The following SLC22A23 variants were observed in gnomAD, a reference collection of about 807,000 sequenced individuals.
SLC22A23 encodes ion transporter protein.
In SLC22A23, 26 loss-of-function variants were observed where a neutral mutation model predicts 61.0. The ratio of observed to expected loss-of-function variants is 0.43; its 90% CI spans 0.31 to 0.59. The LOEUF is 0.59. Ranked by LOEUF, SLC22A23 falls within the 20% of genes least tolerant of loss-of-function variation. The pLI is 0.11. For synonymous variants in SLC22A23, 430 were observed against 413.9 expected (o/e 1.04, Z -0.47); for missense variants, 796 against 934.7 (o/e 0.85, Z 1.94).
At chr6:3,341,092 C>A (rs79667344) in intron 3 of SLC22A23, among the ~76,000 whole-genome samples, 2 of 152,144 alleles carry the variant, frequency 1.3e-5, no homozygotes, top group Non-Finnish European at 2.9e-5. Context: ...GACACACATT[C>A]GGAACATACA....
At chr6:3,351,505 G>A (rs953998132) in intron 3 of SLC22A23, among the ~76,000 whole-genome samples, 18 of 152,308 alleles carry the variant, frequency 1.2e-4, no homozygotes, top group Admixed American at 2.0e-4. Context: ...GCCAGGCAGC[G>A]GGGAACGTTC....
At chr6:3,356,216 G>A (rs1441701812) in intron 3 of SLC22A23, among the ~76,000 whole-genome samples, 24 of 150,224 alleles carry the variant, frequency 1.6e-4, no homozygotes, top group African/African-American at 5.1e-4. Context: ...ATCGAAGCAC[G>A]CGTGCTCTCT....
chr6:3,279,269 T>C (rs904527467), intron 9 of SLC22A23, among the ~76,000 whole-genome samples: 2 of 151,808 alleles, frequency 1.3e-5, no homozygotes, highest in Admixed American at 6.6e-5. Flanking sequence ...TCCCAGCAAT[T>C]TGGGAGGCCG....
intron 7 of SLC22A23, among the ~76,000 whole-genome samples, chr6:3,285,717 A>C (rs1046508672): frequency 6.6e-6 from 1 of 152,242 alleles, no homozygotes; most frequent in Non-Finnish European, 1.5e-5. Context: ...CAAGGTATAG[A>C]TTGCATAAGA....
intron 1 of SLC22A23, among the ~76,000 whole-genome samples, chr6:3,442,761 T>C (rs1771677757): frequency 6.6e-6 from 1 of 152,112 alleles, no homozygotes; most frequent in African/African-American, 2.4e-5. Context: ...AAAGCACGAC[T>C]GTTAGCTAGT....
At chr6:3,389,345 C>A (rs558413648) in intron 3 of SLC22A23, among the ~76,000 whole-genome samples, 2 of 149,434 alleles carry the variant, frequency 1.3e-5, no homozygotes, top group South Asian at 2.1e-4. Context: ...AAGCACGATG[C>A]GAATACGCTT....
chr6:3,425,129 T>A (rs1336857453), intron 1 of SLC22A23, among the ~76,000 whole-genome samples: 1 of 152,074 alleles, frequency 6.6e-6, no homozygotes, highest in Non-Finnish European at 1.5e-5. Context: ...ACATAATTAT[T>A]ATACCAAATT....
intron 8 of SLC22A23, 87 bp from the exon 9 acceptor site, chr6:3,284,062 C>A: frequency 7.3e-7 from 1 of 1,372,906 alleles, no homozygotes; most frequent in East Asian, 2.4e-5. Context: ...CAGCACAGCT[C>A]CTTCCCAGTG....
intron 3 of SLC22A23, among the ~76,000 whole-genome samples, chr6:3,344,134 T>C (rs1283451695): frequency 2.0e-5 from 3 of 152,188 alleles, no homozygotes; most frequent in Non-Finnish European, 1.5e-5. Flanking sequence ...TAATTAAAAT[T>C]AGGTACAAGT....
At chr6:3,284,884 C>T in intron 8 of SLC22A23, 195 bp downstream of exon 8, 1 of 1,535,268 alleles carries the variant, frequency 6.5e-7, no homozygotes, top group Non-Finnish European at 8.7e-7. Context: ...GCACCAGTCG[C>T]TCTTTCTAGA....
chr6:3,448,730 G>A (rs557842838), intron 1 of SLC22A23, among the ~76,000 whole-genome samples: 86 of 151,982 alleles, frequency 5.7e-4, no homozygotes, highest in African/African-American at 1.1e-3. Context: ...TCCTGACCTC[G>A]TGATCCGCCC....
At chr6:3,300,672 GA>G (rs1163761235) in intron 4 of SLC22A23, among the ~76,000 whole-genome samples, 1 of 152,200 alleles carries the variant, frequency 6.6e-6, no homozygotes, top group Non-Finnish European at 1.5e-5. Context: ...GTGAGAAGCA[GA>G]AAATTTTTAT....
At position 3,270,003 on chromosome 6, in the gene SLC22A23, C is replaced by G. The variant is rs558749820; in HGVS notation, c.*3052G>C. 1 of 152,712 alleles carries G rather than the reference C, an allele frequency of 6.5e-6. No homozygotes were observed. Among genetic ancestry groups the G allele is most frequent in the Non-Finnish European group, 1.5e-5 (1 of 68,050 alleles). The allele number at this position is 152,712 out of a possible 1,614,324, so 9.5% of individuals were successfully genotyped here. A position where few individuals can be genotyped will look rare whatever the true frequency, so the allele number is the denominator to read the frequency against. ...ACTCTCAGTAAACAAAAACATGTAA[C>G]CTTTTTCCTGTTTCTCTTGGGTGGT... is the stretch of plus-strand genomic sequence containing the variant. On this transcript the variant is annotated 3_prime_UTR_variant, in exon 10 of 10. Transcript: ENST00000406686.
chr6:3,422,078 T>G (rs1309343496), intron 1 of SLC22A23, among the ~76,000 whole-genome samples: 1 of 152,208 alleles, frequency 6.6e-6, no homozygotes, highest in African/African-American at 2.4e-5. Context: ...GTTTTAAAGC[T>G]GAGCAGTGTC....
chr6:3,456,257 C>T lies in SLC22A23; in HGVS notation c.303G>A (p.Leu101=). The change falls in exon 1 of 10, where the codon CTG becomes CTA. Residue 101 remains leucine, a synonymous_variant. Coordinates refer to ENST00000406686, the MANE Select transcript of SLC22A23 (RefSeq NM_015482.2). This position sits in a 1 kb window ranked among gnomAD's most constrained non-coding sequence, Gnocchi z 7.1. ...TGAACAGCGCCGGGATCCAGGTGAG[C>T]AGCACGAGGGTCTTCTGATAGCCCC... The part of the protein sequence containing the change: ...LGGGYQKTLV[L]LTWIPALFIG... 6.4e-7 allele frequency: 1 copy of T among 1,551,400 alleles called. No homozygotes were observed. The highest frequency in any genetic ancestry group is 8.7e-7 in the Non-Finnish European group (1 of 1,146,826).
In SLC22A23 at chr6:3,387,713, G is replaced by C. The variant is rs748730638; in HGVS notation, c.913+22475C>G. On this transcript the variant is annotated intron_variant, in intron 3 of 9. Coordinates refer to ENST00000406686, the MANE Select transcript of SLC22A23 (RefSeq NM_015482.2). The surrounding 1 kb of genome is among the most constrained non-coding windows in gnomAD (Gnocchi z 5.0). The stretch of plus-strand genomic sequence containing the variant: ...CTGTAAGTCTAAAATTATTTTAACT[G>C]TACTGCTTTTGCCACTCCTCTACTT... Among the ~76,000 whole-genome samples, 2 of 152,202 alleles carry C rather than the reference G, an allele frequency of 1.3e-5. No homozygotes were observed. The highest frequency in any genetic ancestry group is 2.9e-5 in the Non-Finnish European group (2 of 68,040).
intron 5 of SLC22A23, among the ~76,000 whole-genome samples, chr6:3,296,259 C>T (rs760839703): frequency 3.6e-4 from 55 of 152,316 alleles, no homozygotes; most frequent in South Asian, 4.1e-4. Context: ...CACTACTCAG[C>T]GCAGGGAAGT....
chr6:3,350,008 C>T (rs1764670962), intron 3 of SLC22A23, among the ~76,000 whole-genome samples: 2 of 152,244 alleles, frequency 1.3e-5, no homozygotes, highest in East Asian at 1.9e-4. Flanking sequence ...GTCTTTGTGT[C>T]CTTTGAAGCA....
intron 3 of SLC22A23, among the ~76,000 whole-genome samples, chr6:3,393,602 G>C (rs1258256552): frequency 6.6e-6 from 1 of 152,192 alleles, no homozygotes; most frequent in Non-Finnish European, 1.5e-5. Context: ...GATGATGTGA[G>C]CGGGAAAATG....
Sources: gnomAD v4.1 joint callset for allele counts (sites outside exome capture counted in the v4.1 genomes callset) on GRCh38, gnomAD v4.1.1 for gene constraint, Gnocchi (gnomAD v3.1) non-coding constraint, MANE v1.5 for transcripts, NCBI Gene and HGNC (gene_info 2026-07-23, HGNC 2026-07-21) for gene names.